Variants in BCLAF3 observed in about 807,000 individuals in gnomAD.
BCLAF3 encodes transient octamer binding factor 1.
BCLAF3 carries 24 observed loss-of-function variants against 51.2 expected under a neutral mutation model. The observed-to-expected ratio is 0.47, with a 90% CI of 0.34 to 0.66. The LOEUF is 0.66. Ranked by LOEUF, BCLAF3 falls within the 30% of genes least tolerant of loss-of-function variation. The pLI is 0.01. For synonymous variants in BCLAF3, 152 were observed against 176.6 expected, an observed-to-expected ratio of 0.86 and a Z score of 1.10; for missense variants, 465 against 525.1, an observed-to-expected ratio of 0.89 and a Z score of 1.12.
At chrX:19,930,389 CCT>C (rs1365235120) in intron 10 of BCLAF3, 1 of 111,291 alleles carries the variant, frequency 9.0e-6, no homozygotes, top group Admixed American at 9.7e-5. Context: ...TTGGAGCTGT[CCT>C]GGATTCTAGG....
intron 11 of BCLAF3, among the ~76,000 whole-genome samples, chrX:19,928,520 T>C (rs980014483): frequency 2.7e-5 from 3 of 110,302 alleles, no homozygotes; most frequent in Admixed American, 9.7e-5. Flanking sequence ...GAGGCGGAGG[T>C]TGCACTGAGC....
chrX:19,930,319 G>C (rs1480581320), intron 10 of BCLAF3: 1 of 119,758 alleles, frequency 8.4e-6, no homozygotes, highest in African/African-American at 3.3e-5. Flanking sequence ...CTGGGTGACA[G>C]AGTGAGACCC....
intron 8 of BCLAF3, among the ~76,000 whole-genome samples, chrX:19,947,797 A>C (rs1315735216): frequency 5.3e-5 from 6 of 112,620 alleles, no homozygotes; most frequent in Non-Finnish European, 1.1e-4. Flanking sequence ...AAACACAGAC[A>C]GAAAGGCTGC....
At chrX:19,979,261 C>A (rs1349846666) in intron 1 of BCLAF3, among the ~76,000 whole-genome samples, 1 of 110,075 alleles carries the variant, frequency 9.1e-6, no homozygotes, top group Non-Finnish European at 1.9e-5. Context: ...GACTCCACCC[C>A]CTCCCAAAAA....
At chrX:19,987,887 A>T (rs2072857177) in intron 1 of BCLAF3, among the ~76,000 whole-genome samples, 1 of 111,995 alleles carries the variant, frequency 8.9e-6, no homozygotes, top group Non-Finnish European at 1.9e-5. Context: ...GCCTCAAAAA[A>T]GTTAACTGAT....
chrX:19,962,363 G>A (rs1304278339), intron 4 of BCLAF3, among the ~76,000 whole-genome samples: 1 of 110,942 alleles, frequency 9.0e-6, no homozygotes, highest in Non-Finnish European at 1.9e-5. Flanking sequence ...TGTATTTTTT[G>A]TAGAGATGGG....
intron 1 of BCLAF3, among the ~76,000 whole-genome samples, chrX:19,971,142 T>C (rs2147987355): frequency 8.9e-6 from 1 of 112,462 alleles, no homozygotes; most frequent in African/African-American, 3.2e-5. Context: ...CAGGCTGGAG[T>C]GCAGTGGTGC....
At chrX:19,922,453 T>A (rs2070200201) in intron 11 of BCLAF3, among the ~76,000 whole-genome samples, 1 of 112,418 alleles carries the variant, frequency 8.9e-6, no homozygotes, top group African/African-American at 3.2e-5. Flanking sequence ...AAAAAATGCA[T>A]TTGCAGTAAG....
chrX:19,952,931 T>C (rs1279208982), intron 7 of BCLAF3, 57 bp downstream of exon 7: 3 of 975,112 alleles, frequency 3.1e-6, no homozygotes, highest in Admixed American at 5.0e-5. Context: ...ACCAAGCCCC[T>C]TGCCGTTAAT....
chrX:19,938,147 C>T lies in BCLAF3; in HGVS notation c.1746-615G>A, dbSNP rs951772780. On this transcript the variant is annotated intron_variant, in intron 8 of 11. Coordinates refer to ENST00000379682, the MANE Select transcript of BCLAF3 (RefSeq NM_001367774.2). ...GGAGGTCCTTCCCTGGGATCTTCCT[C>T]TGATCTCCAAAGCCTCATTTCCACA... 4.5e-5 allele frequency among the ~76,000 whole-genome samples: 5 copies of T among 111,344 alleles called. No homozygotes were observed. In the East Asian group the frequency reaches 1.4e-3, roughly 32 times the overall value.
chrX:19,929,485 C>A, intron 11 of BCLAF3: 1 of 165,351 alleles, frequency 6.0e-6, no homozygotes, highest in Non-Finnish European at 1.1e-5. Flanking sequence ...AAAGCCTTTA[C>A]CTGAGTTTCC....
chrX:19,920,131 T>C (rs1325886113), intron 11 of BCLAF3, among the ~76,000 whole-genome samples: 1 of 111,263 alleles, frequency 9.0e-6, no homozygotes, highest in East Asian at 2.8e-4. Flanking sequence ...GTAGAAACTC[T>C]TGGTACTGAG....
At position 19,923,708 on chromosome X, in the gene BCLAF3, C is replaced by T. The variant is rs759133673; in HGVS notation, c.2106+6077G>A. Among the ~76,000 whole-genome samples the T allele has an allele frequency of 3.0e-4, 33 of 111,495 alleles. No homozygotes were observed. In the South Asian group the frequency reaches 0.012, roughly 40 times the overall value. On this transcript the variant is annotated intron_variant, in intron 11 of 11. Coordinates refer to ENST00000379682, the MANE Select transcript of BCLAF3 (RefSeq NM_001367774.2). ...TACTTTATGTCCCTACAGATTTGCC[C>T]ATTTTGGACGTTTCATATAAACTGA...
At chrX:19,963,898 C>T (rs1177356629) in intron 4 of BCLAF3, among the ~76,000 whole-genome samples, 1 of 110,706 alleles carries the variant, frequency 9.0e-6, no homozygotes, top group Non-Finnish European at 1.9e-5. Context: ...ACCTATAGTC[C>T]TAGATACTCA....
Position 19,917,273 on chromosome X carries a change from T to C in BCLAF3, c.*32A>G. On this transcript the variant is annotated 3_prime_UTR_variant, in exon 12 of 12. Coordinates refer to ENST00000379682, the MANE Select transcript of BCLAF3 (RefSeq NM_001367774.2). ...AGAGAGATGCTCCCAAACATCCTCC[T>C]GTAGCGTCATTTCCATTTGTACGAT... 1 of 1,182,466 alleles carries C rather than the reference T, an allele frequency of 8.5e-7. No individual in the cohort carries two copies. The highest frequency in any genetic ancestry group is 1.1e-6 in the Non-Finnish European group (1 of 870,224).
At chrX:19,928,176 C>A (rs1404031571) in intron 11 of BCLAF3, among the ~76,000 whole-genome samples, 5 of 110,458 alleles carry the variant, frequency 4.5e-5, no homozygotes, top group Non-Finnish European at 9.5e-5. Flanking sequence ...AGCCACCACT[C>A]CTGGCCTTAT....
At chrX:19,930,671 A>C (rs1314041732) in intron 10 of BCLAF3, 2 of 165,731 alleles carry the variant, frequency 1.2e-5, no homozygotes, top group East Asian at 4.5e-4. Flanking sequence ...CAAAAAAACA[A>C]AACAAAACTA....
intron 1 of BCLAF3, among the ~76,000 whole-genome samples, chrX:19,972,323 T>C (rs370454179): frequency 8.9e-6 from 1 of 111,738 alleles, no homozygotes; most frequent in East Asian, 2.8e-4. Flanking sequence ...ATAATTTCAC[T>C]AGATAAACTC....
At position 19,939,385 on chromosome X, in the gene BCLAF3, C is replaced by G. The variant is rs189020822; in HGVS notation, c.1746-1853G>C. Among the ~76,000 whole-genome samples the G allele has an allele frequency of 9.7e-3, 1,080 of 111,750 alleles. 16 individuals carry two copies. Among genetic ancestry groups the G allele is most frequent in the African/African-American group, 0.033 (1,022 of 30,700 alleles). ...GCAAAGCATATATCTGATGAGGGAGCTGTATCCAGAATATATAAAGAACTC... is the reference window on the plus strand; with the variant it reads ...GCAAAGCATATATCTGATGAGGGAGGTGTATCCAGAATATATAAAGAACTC... On this transcript the variant is annotated intron_variant, in intron 8 of 11. Coordinates refer to ENST00000379682, the MANE Select transcript of BCLAF3 (RefSeq NM_001367774.2).
Sources: gnomAD v4.1 joint callset for allele counts (sites outside exome capture counted in the v4.1 genomes callset) on GRCh38, gnomAD v4.1.1 for gene constraint, MANE v1.5 for transcripts, NCBI Gene and HGNC (gene_info 2026-07-23, HGNC 2026-07-21) for gene names.